The following ZNF107 variants were observed in gnomAD, a reference collection of about 807,000 sequenced individuals.
ZNF107 encodes zinc finger protein 107.
Under a neutral mutation model 12.3 loss-of-function variants are expected in ZNF107, and 19 were observed. The observed-to-expected ratio is 1.55, with a 90% CI of 1.08 to 2.27. The LOEUF (loss-of-function observed/expected upper bound fraction) is 2.27. Among genes scored for constraint, ZNF107 ranks in the 30% most tolerant of loss-of-function variants. The probability of loss-of-function intolerance (pLI) is 0.00; values close to 1 mark genes in which losing one functional copy is unlikely to be tolerated. For missense variants in ZNF107, 958 were observed against 979.9 expected, an observed-to-expected ratio of 0.98 and a Z score of 0.30; for synonymous variants, 317 against 330.5, an observed-to-expected ratio of 0.96 and a Z score of 0.44.
chr7:64,697,913 C>G (rs1790348379), intron 3 of ZNF107, among the ~76,000 whole-genome samples: 1 of 152,122 alleles, frequency 6.6e-6, no homozygotes, highest in Non-Finnish European at 1.5e-5. Flanking sequence ...AACTCCTGAC[C>G]TCGTGATCCG....
At chr7:64,691,187 T>A in intron 1 of ZNF107, 61 bp from the exon 2 acceptor site, 1 of 1,329,590 alleles carries the variant, frequency 7.5e-7, no homozygotes, top group Non-Finnish European at 9.7e-7. Context: ...ATACATTTTT[T>A]TAAAAATTCA....
At chr7:64,687,248 A>C in intron 1 of ZNF107, 5 of 986,198 alleles carry the variant, frequency 5.1e-6, no homozygotes, top group Non-Finnish European at 6.0e-6. Context: ...TCTTGGAGCT[A>C]TCTCTATATG....
At chr7:64,683,873 T>C (rs1332299599) in intron 1 of ZNF107, among the ~76,000 whole-genome samples, 1 of 152,204 alleles carries the variant, frequency 6.6e-6, no homozygotes, top group Admixed American at 6.5e-5. Context: ...GGTTGATACC[T>C]TCACCAGATG....
chr7:64,670,997 G>T (rs746583833), intron 1 of ZNF107, among the ~76,000 whole-genome samples: 19 of 152,280 alleles, frequency 1.2e-4, no homozygotes, highest in Admixed American at 2.6e-4. Flanking sequence ...TGCTGACTCT[G>T]GGGTCAGAAT....
intron 3 of ZNF107, 129 bp downstream of exon 3, chr7:64,692,089 G>T (rs1554348853): frequency 3.3e-5 from 19 of 569,820 alleles, no homozygotes; most frequent in South Asian, 3.7e-5. Flanking sequence ...GAAAGCCTGA[G>T]TTTTTTTTTC....
chr7:64,670,022 C>G (rs554468063), intron 1 of ZNF107, among the ~76,000 whole-genome samples: 2 of 152,218 alleles, frequency 1.3e-5, no homozygotes, highest in South Asian at 2.1e-4. Flanking sequence ...ATGGAAGAAG[C>G]CTTTATTCTG....
In ZNF107 at chr7:64,709,028, T is replaced by C. The variant is rs1790797775; in HGVS notation, c.*372T>C. On this transcript the variant is annotated 3_prime_UTR_variant, in exon 4 of 4. Coordinates refer to ENST00000620827, the MANE Select transcript of ZNF107 (RefSeq NM_001282359.2). The stretch of plus-strand genomic sequence containing the variant: ...ACCTTTCTACACATAAGATAATTTA[T>C]ACTGGAGAGGAACTCTATAGTTGTG... 4.5e-6 allele frequency: 2 copies of C among 446,752 alleles called. No homozygotes were observed. Among genetic ancestry groups the C allele is most frequent in the South Asian group, 1.9e-5 (1 of 53,216 alleles). 27.7% of individuals were successfully genotyped at this position (446,752 alleles called of 1,614,324 possible). A position where few individuals can be genotyped will look rare whatever the true frequency, so the allele number is the denominator to read the frequency against.
Position 64,710,989 on chromosome 7 carries a change from TTG to T in ZNF107, c.*2335_*2336del, listed in dbSNP as rs1181532435. ...AATTAGTAGTATATCATTTTACTAT[TTG>T]TACTTTTATGTAATAAAATGCAATG... is the stretch of plus-strand genomic sequence containing the variant. On this transcript the variant is annotated 3_prime_UTR_variant, in exon 4 of 4. Coordinates refer to ENST00000620827, the MANE Select transcript of ZNF107 (RefSeq NM_001282359.2). 1 of 152,184 alleles carries T rather than the reference TTG, an allele frequency of 6.6e-6. No individual in the cohort carries two copies. Among genetic ancestry groups the T allele is most frequent in the East Asian group, 1.9e-4 (1 of 5,204 alleles). 9.4% of individuals were successfully genotyped at this position (152,184 alleles called of 1,614,324 possible).
At chr7:64,689,082 C>T (rs1392273912) in intron 1 of ZNF107, among the ~76,000 whole-genome samples, 1 of 152,156 alleles carries the variant, frequency 6.6e-6, no homozygotes, top group African/African-American at 2.4e-5. Context: ...CAAATAAACT[C>T]TCTACTTATA....
At chr7:64,686,520 C>A in intron 1 of ZNF107, 1 of 985,404 alleles carries the variant, frequency 1.0e-6, no homozygotes. Context: ...GAAACATCAC[C>A]CCGTCCACTT....
At position 64,708,445 on chromosome 7, in the gene ZNF107, A is replaced by G; in HGVS notation, c.2348A>G (p.His783Arg). ...AACCTTACTACACATAAGAAAATTC[A>G]TACTTCAGAGAAACCCTACAAATGT... Reference protein sequence around the residue: ...SSNLTTHKKIHTSEKPYKCEE... With the variant: ...SSNLTTHKKIRTSEKPYKCEE... The change falls in exon 4 of 4, where the codon CAT becomes CGT. Residue 783 changes from histidine to arginine, a missense_variant. By Grantham distance (29) the His-to-Arg change is conservative. Transcript: ENST00000620827. The G allele has an allele frequency of 1.2e-6, 2 of 1,605,192 alleles. No homozygotes were observed. Among genetic ancestry groups the G allele is most frequent in the South Asian group, 1.1e-5 (1 of 90,670 alleles).
At chr7:64,671,086 GAT>G (rs1789204934) in intron 1 of ZNF107, among the ~76,000 whole-genome samples, 1 of 151,990 alleles carries the variant, frequency 6.6e-6, no homozygotes, top group Non-Finnish European at 1.5e-5. Context: ...CCAAAAGAAA[GAT>G]ATCACAGAGG....
rs936545114 is a variant in ZNF107 at position 64,697,395 on chromosome 7, C to T, written c.226+5435C>T. On this transcript the variant is annotated intron_variant, in intron 3 of 3. Transcript: ENST00000620827. ...CTAGATCCCTGAGGAATCGCCACAC[C>T]GACTTCCACAATGGTTGAACTAGTT... Among the ~76,000 whole-genome samples the T allele has an allele frequency of 5.9e-4, 90 of 152,246 alleles. 1 individual carries two copies. Among genetic ancestry groups the T allele is most frequent in the African/African-American group, 1.0e-3 (42 of 41,544 alleles).
Position 64,708,646 on chromosome 7 carries a change from G to A in ZNF107, c.2549G>A (p.Gly850Asp). Reference protein sequence around the residue: ...TGEKPYKCEYGKT With the variant: ...TGEKPYKCEYDKT ...GAGAAACCCTACAAATGTGAGTATGGCAAAACTTAATTGATCCTACAAGCT... is the reference window on the plus strand; with the variant it reads ...GAGAAACCCTACAAATGTGAGTATGACAAAACTTAATTGATCCTACAAGCT... The change falls in exon 4 of 4, where the codon GGC becomes GAC. Residue 850 changes from glycine (G) to aspartate (D), a missense_variant. Gly to Asp is a moderately conservative substitution (Grantham distance 94). Coordinates refer to ENST00000620827, the MANE Select transcript of ZNF107 (RefSeq NM_001282359.2). The A allele has an allele frequency of 6.3e-7, 1 of 1,589,996 alleles. No individual in the cohort carries two copies. Among genetic ancestry groups the A allele is most frequent in the Non-Finnish European group, 8.6e-7 (1 of 1,169,578 alleles).
Position 64,666,188 on chromosome 7 carries a change from C to G in ZNF107, c.-95C>G. 1 of 1,523,378 alleles carries G rather than the reference C, an allele frequency of 6.6e-7. No individual in the cohort carries two copies. The highest frequency in any genetic ancestry group is 1.1e-5 in the South Asian group (1 of 89,592). The allele number at this position is 1,523,378 out of a possible 1,614,324, so 94.4% of individuals were successfully genotyped here. On this transcript the variant is annotated 5_prime_UTR_variant, in exon 1 of 4. Coordinates refer to ENST00000620827, the MANE Select transcript of ZNF107 (RefSeq NM_001282359.2). Reference sequence around the variant, plus strand: ...TGCTCTCCTCCTCACTGCTCAGTGTCCTCTGCTCCTAGAGGCCCAGCCTCT... The same window carrying G: ...TGCTCTCCTCCTCACTGCTCAGTGTGCTCTGCTCCTAGAGGCCCAGCCTCT...
At chr7:64,686,061 A>G (rs897088338) in intron 1 of ZNF107, among the ~76,000 whole-genome samples, 1 of 151,972 alleles carries the variant, frequency 6.6e-6, no homozygotes, top group African/African-American at 2.4e-5. Flanking sequence ...TCCAATCCCA[A>G]ATAGACTCCT....
intron 1 of ZNF107, among the ~76,000 whole-genome samples, chr7:64,680,027 G>A (rs772698757): frequency 2.0e-4 from 31 of 151,966 alleles, no homozygotes; most frequent in Admixed American, 4.6e-4. Flanking sequence ...GTCCGACTCC[G>A]GTCCCAACCC....
Position 64,707,470 on chromosome 7 carries a change from G to C in ZNF107, c.1373G>C (p.Cys458Ser). Residue 458 changes from cysteine (C) to serine (S), a missense_variant, in exon 4 of 4, where the codon TGT becomes TCT. Coordinates refer to ENST00000620827, the MANE Select transcript of ZNF107 (RefSeq NM_001282359.2). Reference sequence around the variant, plus strand: ...GAGAAATCCTATAAATGTGAAGAATGTGGCAAAGCTTTTAACCAACACTCA... The same window carrying C: ...GAGAAATCCTATAAATGTGAAGAATCTGGCAAAGCTTTTAACCAACACTCA... ...TAEKSYKCEE[C>S]GKAFNQHSNL... 6.2e-7 allele frequency: 1 copy of C among 1,613,358 alleles called. No individual in the cohort carries two copies. The highest frequency in any genetic ancestry group is 8.5e-7 in the Non-Finnish European group (1 of 1,179,670).
intron 3 of ZNF107, among the ~76,000 whole-genome samples, chr7:64,694,612 C>T (rs556193746): frequency 1.3e-5 from 2 of 151,274 alleles, no homozygotes; most frequent in South Asian, 2.1e-4. Context: ...AGCAGTTCTT[C>T]AACCTGAATA....
Sources: gnomAD v4.1 joint callset for allele counts (sites outside exome capture counted in the v4.1 genomes callset) on GRCh38, gnomAD v4.1.1 for gene constraint, MANE v1.5 for transcripts, NCBI Gene and HGNC (gene_info 2026-07-23, HGNC 2026-07-21) for gene names.